The following SLC16A12 variants were observed in gnomAD, a reference collection of about 807,000 sequenced individuals.
The protein encoded by SLC16A12 is monocarboxylate transporter 12.
In SLC16A12, 17 loss-of-function variants were observed where a neutral mutation model predicts 42.4. The ratio of observed to expected loss-of-function variants is 0.40; its 90% CI spans 0.27 to 0.60. The LOEUF is 0.60. Among genes scored for constraint, SLC16A12 ranks in the 20% least tolerant of loss-of-function variants. The pLI, the probability that SLC16A12 is intolerant of heterozygous loss-of-function variation, is 0.42. For synonymous variants in SLC16A12, 224 were observed against 229.4 expected, an observed-to-expected ratio of 0.98 and a Z score of 0.21; for missense variants, 544 against 623.0, an observed-to-expected ratio of 0.87 and a Z score of 1.35.
chr10:89,431,559 T>C lies in SLC16A12; in HGVS notation c.*1505A>G, dbSNP rs1404663105. 2 of 152,218 alleles carry C rather than the reference T, an allele frequency of 1.3e-5. No individual in the cohort carries two copies. The highest frequency in any genetic ancestry group is 2.4e-5 in the African/African-American group (1 of 41,466). 9.4% of individuals were successfully genotyped at this position (152,218 alleles called of 1,614,324 possible). On this transcript the variant is annotated 3_prime_UTR_variant, in exon 8 of 8. Coordinates refer to ENST00000371790, the MANE Select transcript of SLC16A12 (RefSeq NM_213606.4). ...CTCAGGATCATCCTCATTGCTGTTT[T>C]TTTTCCCCCAGCACTTGTGAGGCCT...
intron 3 of SLC16A12, among the ~76,000 whole-genome samples, chr10:89,445,111 GGA>G (rs1279974425): frequency 2.0e-5 from 3 of 152,250 alleles, no homozygotes; most frequent in Non-Finnish European, 4.4e-5. Context: ...CAAACTGGGT[GGA>G]GCCCACTGCA....
At chr10:89,471,174 A>G (rs1842488235) in intron 2 of SLC16A12, among the ~76,000 whole-genome samples, 1 of 152,216 alleles carries the variant, frequency 6.6e-6, no homozygotes, top group African/African-American at 2.4e-5. Flanking sequence ...TGACAAATGT[A>G]TCACTTATGT....
chr10:89,472,375 G>A (rs1268229743), intron 2 of SLC16A12, among the ~76,000 whole-genome samples: 3 of 151,890 alleles, frequency 2.0e-5, no homozygotes. Flanking sequence ...TCACAGATTG[G>A]AAGACTTGGA....
rs189896904 is a variant in SLC16A12 at position 89,523,355 on chromosome 10, A to G, written c.-47+11146T>C. Among the ~76,000 whole-genome samples the G allele has an allele frequency of 8.5e-5, 13 of 152,144 alleles. No individual in the cohort carries two copies. The East Asian group carries it at 2.5e-3, about 29-fold the overall frequency. On this transcript the variant is annotated intron_variant, in intron 2 of 7. Coordinates refer to ENST00000371790, the MANE Select transcript of SLC16A12 (RefSeq NM_213606.4). ...TGCTTCTCTTCCCATTCCCACCTCA[A>G]TGGAAGGGAATTTGCCTCCTGTGTC...
chr10:89,441,008 C>T (rs1007788277), intron 5 of SLC16A12, 100 bp downstream of exon 5: 14 of 1,451,062 alleles, frequency 9.6e-6, no homozygotes, highest in Admixed American at 1.7e-5. Flanking sequence ...CTAAATTATG[C>T]ATCTAACAAA....
chr10:89,486,624 A>T (rs1160555920), intron 2 of SLC16A12, among the ~76,000 whole-genome samples: 31 of 125,480 alleles, frequency 2.5e-4, no homozygotes, highest in African/African-American at 9.7e-4. Flanking sequence ...AGAAAGAAAG[A>T]AAGAAAGAAA....
At chr10:89,448,836 ATGATTGTATATTTAG>A (rs1842045583) in intron 3 of SLC16A12, among the ~76,000 whole-genome samples, 1 of 152,226 alleles carries the variant, frequency 6.6e-6, no homozygotes, top group South Asian at 2.1e-4. Context: ...TGCAGATGAC[ATGATTGTATATTTAG>A]AAAACCCCAT....
At chr10:89,453,591 T>G (rs1035032512) in intron 3 of SLC16A12, among the ~76,000 whole-genome samples, 16 of 152,324 alleles carry the variant, frequency 1.1e-4, no homozygotes, top group African/African-American at 3.6e-4. Context: ...GGTTTGTAGC[T>G]TAGGAGCAAT....
At chr10:89,540,088 CT>C (rs1843706433), upstream of SLC16A12, among the ~76,000 whole-genome samples, 1 of 143,038 alleles carries the variant, frequency 7.0e-6, no homozygotes, top group Non-Finnish European at 1.5e-5. Context: ...GCCTCTTTTT[CT>C]TTCTTTCTTT....
intron 2 of SLC16A12, among the ~76,000 whole-genome samples, chr10:89,495,362 A>C (rs1842909566): frequency 6.6e-6 from 1 of 151,666 alleles, no homozygotes; most frequent in African/African-American, 2.4e-5. Context: ...CTCAAAAAAC[A>C]AACAAACAAA....
chr10:89,544,239 C>A (rs980687501), intron 2 of SLC16A12, among the ~76,000 whole-genome samples: 1 of 152,154 alleles, frequency 6.6e-6, no homozygotes. Flanking sequence ...GTTCTCTGAC[C>A]GTCTAAGGCT....
intron 2 of SLC16A12, among the ~76,000 whole-genome samples, chr10:89,477,308 T>C (rs1416036998): frequency 6.6e-6 from 1 of 152,154 alleles, no homozygotes; most frequent in Non-Finnish European, 1.5e-5. Context: ...CTCACGCCTG[T>C]AATCCCAGCA....
intron 2 of SLC16A12, among the ~76,000 whole-genome samples, chr10:89,518,626 C>T (rs1843296865): frequency 6.6e-6 from 1 of 152,176 alleles, no homozygotes; most frequent in Non-Finnish European, 1.5e-5. Context: ...AAGCAAAGAA[C>T]ATGCAAGTTG....
Position 89,442,948 on chromosome 10 carries a change from G to A in SLC16A12, c.304+808C>T, listed in dbSNP as rs568439192. ...ATACTCAGAACTCATTGAAATGAAT[G>A]GATTAAGTGGGTCTAAGCTACAAAC... is the stretch of plus-strand genomic sequence containing the variant. On this transcript the variant is annotated intron_variant, in intron 4 of 7. Coordinates refer to ENST00000371790, the MANE Select transcript of SLC16A12 (RefSeq NM_213606.4). Among the ~76,000 whole-genome samples the A allele has an allele frequency of 2.0e-5, 3 of 152,234 alleles. No homozygotes were observed. The East Asian group carries it at 5.8e-4, about 29-fold the overall frequency.
chr10:89,537,529 A>G (rs2133880873), upstream of SLC16A12, among the ~76,000 whole-genome samples: 1 of 152,338 alleles, frequency 6.6e-6, no homozygotes, highest in African/African-American at 2.4e-5. Flanking sequence ...AAACTCACAA[A>G]AGAAAGAACA....
At chr10:89,438,115 C>G (rs1456247996) in intron 6 of SLC16A12, among the ~76,000 whole-genome samples, 1 of 152,200 alleles carries the variant, frequency 6.6e-6, no homozygotes, top group African/African-American at 2.4e-5. Context: ...AATCTACCGC[C>G]AGAACTTGTA....
intron 2 of SLC16A12, among the ~76,000 whole-genome samples, chr10:89,543,666 C>A (rs996802877): frequency 2.7e-4 from 39 of 147,148 alleles, no homozygotes; most frequent in Non-Finnish European, 5.1e-4. Context: ...CTGTCTCTAC[C>A]AAAAAAAAAA....
chr10:89,443,905 T>C (rs751120926), intron 3 of SLC16A12, 46 bp from the exon 4 acceptor site: 1 of 1,236,766 alleles, frequency 8.1e-7, no homozygotes, highest in Admixed American at 1.7e-5. Flanking sequence ...TGAATGAGCA[T>C]GCATTTGAGC....
chr10:89,518,465 T>G (rs7924208), intron 2 of SLC16A12, among the ~76,000 whole-genome samples: 109,710 of 152,056 alleles, frequency 0.72, 40,808 homozygotes, highest in African/African-American at 0.9. Flanking sequence ...TGCAAGGAAG[T>G]TGGCCTGGAA....
Sources: gnomAD v4.1 joint callset for allele counts (sites outside exome capture counted in the v4.1 genomes callset) on GRCh38, gnomAD v4.1.1 for gene constraint, MANE v1.5 for transcripts, NCBI Gene and HGNC (gene_info 2026-07-23, HGNC 2026-07-21) for gene names.